The following CDH4 variants were observed in gnomAD, a reference collection of about 807,000 sequenced individuals.
CDH4 encodes the protein cadherin-4.
Under a neutral mutation model 86.0 loss-of-function variants are expected in CDH4, and 33 were observed. That is an observed-to-expected ratio of 0.38 (90% confidence interval 0.29 to 0.51). The LOEUF (loss-of-function observed/expected upper bound fraction) is 0.51, where lower values mean the gene tolerates loss of function less well. Among genes scored for constraint, CDH4 ranks in the 20% least tolerant of loss-of-function variants. CDH4 has a pLI of 0.86. For synonymous variants in CDH4, 555 were observed against 549.4 expected (o/e 1.01, Z -0.14); for missense variants, 1,114 against 1,307.4 (o/e 0.85, Z 2.28).
At chr20:61,529,929 G>C (rs6061603) in intron 2 of CDH4, among the ~76,000 whole-genome samples, 15,569 of 152,022 alleles carry the variant, frequency 0.1, 2,330 homozygotes, top group African/African-American at 0.33. Flanking sequence ...CCTCTGCCTC[G>C]CAGATTCAAG....
chr20:61,349,737 CAG>C (rs2084699053), intron 2 of CDH4, among the ~76,000 whole-genome samples: 1 of 152,212 alleles, frequency 6.6e-6, no homozygotes, highest in Non-Finnish European at 1.5e-5. Flanking sequence ...AGACGGCTCT[CAG>C]GGGCAGTCTT....
At chr20:61,836,983 C>G (rs1422386144) in intron 4 of CDH4, among the ~76,000 whole-genome samples, 1 of 152,184 alleles carries the variant, frequency 6.6e-6, no homozygotes, top group Non-Finnish European at 1.5e-5. Context: ...CACATGAGGC[C>G]AAGAGTTTGA....
chr20:61,584,899 G>T (rs1167374178), intron 2 of CDH4, among the ~76,000 whole-genome samples: 1 of 152,152 alleles, frequency 6.6e-6, no homozygotes, highest in Non-Finnish European at 1.5e-5. Context: ...GAGACCCAGT[G>T]AGATGAGCAG....
intron 6 of CDH4, among the ~76,000 whole-genome samples, chr20:61,854,230 C>G (rs1982876414): frequency 6.6e-6 from 1 of 152,148 alleles, no homozygotes; most frequent in Admixed American, 6.5e-5. Flanking sequence ...CACCACACGC[C>G]CCTGCAGGCC....
chr20:61,299,782 C>T (rs985588110), intron 2 of CDH4, among the ~76,000 whole-genome samples: 1 of 152,170 alleles, frequency 6.6e-6, no homozygotes, highest in African/African-American at 2.4e-5. Context: ...AACCGTCATC[C>T]AGATGCAGAT....
chr20:61,806,549 G>T (rs892676743), intron 4 of CDH4, among the ~76,000 whole-genome samples: 2 of 138,652 alleles, frequency 1.4e-5, no homozygotes, highest in Admixed American at 1.4e-4. Context: ...ATGTCCACGC[G>T]CACGCACACA....
chr20:61,519,323 C>T (rs953137369), intron 2 of CDH4, among the ~76,000 whole-genome samples: 8 of 152,236 alleles, frequency 5.3e-5, no homozygotes, highest in Non-Finnish European at 7.3e-5. Context: ...ATGAAGCAGT[C>T]ATTTCCCAGC....
chr20:61,522,975 G>A (rs1238696786), intron 2 of CDH4, among the ~76,000 whole-genome samples: 2 of 152,226 alleles, frequency 1.3e-5, no homozygotes, highest in East Asian at 3.9e-4. Context: ...GCATCAGGAT[G>A]TGGCCTGCAG....
intron 2 of CDH4, among the ~76,000 whole-genome samples, chr20:61,376,889 A>G (rs2084875807): frequency 6.6e-6 from 1 of 152,222 alleles, no homozygotes; most frequent in Non-Finnish European, 1.5e-5. Context: ...CCTGTGGCAA[A>G]TGCCCTGATC....
chr20:61,353,413 T>C (rs943856117), intron 2 of CDH4, among the ~76,000 whole-genome samples: 1 of 152,090 alleles, frequency 6.6e-6, no homozygotes, highest in Non-Finnish European at 1.5e-5. Context: ...GCATAATGCC[T>C]GCGACTTTGG....
At chr20:61,443,825 T>C (rs2085326497) in intron 2 of CDH4, among the ~76,000 whole-genome samples, 2 of 151,776 alleles carry the variant, frequency 1.3e-5, no homozygotes, top group Non-Finnish European at 2.9e-5. Context: ...TCTGTGTATC[T>C]GTCTGTCTCT....
intron 2 of CDH4, among the ~76,000 whole-genome samples, chr20:61,321,515 T>C (rs547159488): frequency 6.6e-6 from 1 of 152,328 alleles, no homozygotes; most frequent in South Asian, 2.1e-4. Context: ...ATAAGGATTT[T>C]TTTCCACGGG....
intron 2 of CDH4, among the ~76,000 whole-genome samples, chr20:61,474,711 T>TA (rs996795861): frequency 4.1e-4 from 62 of 150,990 alleles, no homozygotes; most frequent in East Asian, 1.2e-3. Flanking sequence ...TTCTTTTTTT[T>TA]AAAAAAAAAA....
chr20:61,705,233 C>T (rs2087816704), intron 2 of CDH4, among the ~76,000 whole-genome samples: 1 of 152,228 alleles, frequency 6.6e-6, no homozygotes, highest in Non-Finnish European at 1.5e-5. Flanking sequence ...TAACTCAAGA[C>T]CCCAGGTGGG....
chr20:61,648,892 A>C (rs1038221699), intron 2 of CDH4, among the ~76,000 whole-genome samples: 6 of 152,130 alleles, frequency 3.9e-5, no homozygotes, highest in African/African-American at 1.4e-4. Context: ...TCCTACTTTT[A>C]TGGGAAGGAG....
At chr20:61,255,330 T>C (rs753345071) in intron 2 of CDH4, among the ~76,000 whole-genome samples, 1 of 152,236 alleles carries the variant, frequency 6.6e-6, no homozygotes, top group Non-Finnish European at 1.5e-5. Context: ...CCACAGACGG[T>C]CTGTTCACAA....
At chr20:61,758,867 C>T (rs2088597899) in intron 3 of CDH4, among the ~76,000 whole-genome samples, 1 of 152,170 alleles carries the variant, frequency 6.6e-6, no homozygotes, top group African/African-American at 2.4e-5. Context: ...CAGCTTCTAG[C>T]ACAGTCAGGT....
chr20:61,332,108 C>T (rs4239685), intron 2 of CDH4, among the ~76,000 whole-genome samples: 85,078 of 152,016 alleles, frequency 0.56, 23,820 homozygotes, highest in Middle Eastern at 0.68. Flanking sequence ...GACAGCGATG[C>T]CCGGCTTCCC....
chr20:61,290,574 G>A (rs1377858614), intron 2 of CDH4, among the ~76,000 whole-genome samples: 9 of 152,208 alleles, frequency 5.9e-5, no homozygotes, highest in Non-Finnish European at 8.8e-5. Flanking sequence ...GGCAGACAGC[G>A]TGACATGTTG....
Sources: allele counts gnomAD v4.1 joint callset (sites outside exome capture counted in the v4.1 genomes callset), GRCh38; gene constraint gnomAD v4.1.1; transcripts MANE v1.5; gene names NCBI Gene and HGNC (gene_info 2026-07-23, HGNC 2026-07-21).